COL4A1: variants seen among roughly 807,000 people sequenced by gnomAD.
COL4A1 encodes collagen alpha-1(IV) chain.
COL4A1 carries 40 observed loss-of-function variants against 216.6 expected under a neutral mutation model. The ratio of observed to expected loss-of-function variants is 0.18; its 90% CI spans 0.14 to 0.24. COL4A1 has a LOEUF of 0.24. COL4A1 is among the 10% of genes least tolerant of loss of function. The pLI, the probability that COL4A1 is intolerant of heterozygous loss-of-function variation, is 1.00. For missense variants in COL4A1, 1,628 were observed against 2,196.8 expected (o/e 0.74, Z 5.18); for synonymous variants, 839 against 810.7 (o/e 1.03, Z -0.59).
At chr13:110,289,235 C>T (rs1042697025) in intron 1 of COL4A1, among the ~76,000 whole-genome samples, 2 of 152,164 alleles carry the variant, frequency 1.3e-5, no homozygotes, top group African/African-American at 4.8e-5. Flanking sequence ...AATGGCCCCG[C>T]ACCTAAGCCT....
intron 17 of COL4A1, 101 bp from the exon 18 acceptor site, chr13:110,203,708 C>A (rs954910734): frequency 4.3e-5 from 54 of 1,253,936 alleles, no homozygotes; most frequent in Non-Finnish European, 6.1e-5. Flanking sequence ...AGTGTGCCTA[C>A]AGTAAATTAA....
intron 1 of COL4A1, among the ~76,000 whole-genome samples, chr13:110,300,219 C>A (rs1159478505): frequency 2.0e-5 from 3 of 152,146 alleles, no homozygotes; most frequent in African/African-American, 7.2e-5. Flanking sequence ...AAATACTGAC[C>A]TAGTACCTTC....
intron 19 of COL4A1, 33 bp downstream of exon 19, chr13:110,201,379 GAGGAGGAGGAGAGAAGGAGGGGGAGT>G (rs745997738): frequency 2.6e-6 from 3 of 1,164,986 alleles, no homozygotes; most frequent in Middle Eastern, 2.3e-4. Context: ...GGAGGAGGAA[GAGGAGGAGGAGAGAAGGAGGGGGAGT>G]AGGAGGAGGG....
At chr13:110,174,375 C>T in intron 39 of COL4A1, 71 bp downstream of exon 39, 8 of 1,557,216 alleles carry the variant, frequency 5.1e-6, no homozygotes, top group Non-Finnish European at 5.3e-6. Flanking sequence ...GATGGGAACT[C>T]CTTGGGGCCT....
At chr13:110,216,657 T>C (rs1470366901) in intron 2 of COL4A1, among the ~76,000 whole-genome samples, 2 of 152,196 alleles carry the variant, frequency 1.3e-5, no homozygotes, top group Non-Finnish European at 2.9e-5. Flanking sequence ...TCTACAAGTT[T>C]CTCACTGAGT....
At chr13:110,251,363 G>A (rs1882065075) in intron 1 of COL4A1, among the ~76,000 whole-genome samples, 1 of 152,246 alleles carries the variant, frequency 6.6e-6, no homozygotes, top group South Asian at 2.1e-4. Context: ...GAGTGGGTGG[G>A]GCAGGGGAAG....
At chr13:110,248,242 T>C (rs1354536450) in intron 1 of COL4A1, among the ~76,000 whole-genome samples, 1 of 152,190 alleles carries the variant, frequency 6.6e-6, no homozygotes, top group East Asian at 1.9e-4. Context: ...GGCAAGAGAC[T>C]GTATCTTAGG....
At position 110,192,948 on chromosome 13, in the gene COL4A1, C is replaced by T. The variant is rs74920333; in HGVS notation, c.1382-35G>A. On this transcript the variant is annotated intron_variant, in intron 22 of 51. Transcript: ENST00000375820. ...AAAACACAAAGGTGCTTACGTGTAACATGTGACCAGAAGTCTCCGCAGTGC... is the reference window on the plus strand; with the variant it reads ...AAAACACAAAGGTGCTTACGTGTAATATGTGACCAGAAGTCTCCGCAGTGC... 1.1e-5 allele frequency: 17 copies of T among 1,594,298 alleles called. No individual in the cohort carries two copies. The East Asian group carries it at 2.9e-4, about 27-fold the overall frequency.
At chr13:110,198,077 G>GTT (rs34142944) in intron 21 of COL4A1, among the ~76,000 whole-genome samples, 11 of 135,022 alleles carry the variant, frequency 8.1e-5, no homozygotes, top group African/African-American at 3.5e-4. Flanking sequence ...CTTGTTTCTG[G>GTT]GGTGTGTGTG....
chr13:110,261,036 CAAA>C (rs575253533), intron 1 of COL4A1, among the ~76,000 whole-genome samples: 3 of 83,452 alleles, frequency 3.6e-5, no homozygotes, highest in African/African-American at 4.9e-5. Context: ...GACTCCGTCT[CAAA>C]AAAAAAAAAA....
chr13:110,219,961 C>CAT (rs1451401582), intron 2 of COL4A1, among the ~76,000 whole-genome samples: 12 of 34,622 alleles, frequency 3.5e-4, no homozygotes, highest in Non-Finnish European at 6.3e-4. Context: ...CACATACATA[C>CAT]ATATACATAT....
intron 33 of COL4A1, 60 bp downstream of exon 33, chr13:110,177,782 T>G: frequency 6.4e-7 from 1 of 1,558,428 alleles, no homozygotes; most frequent in Non-Finnish European, 8.8e-7. Context: ...CTTGAGAATT[T>G]CCCAAGTGGC....
chr13:110,166,202 A>C, intron 45 of COL4A1, 30 bp downstream of exon 45: 1 of 1,332,774 alleles, frequency 7.5e-7, no homozygotes, highest in Non-Finnish European at 1.1e-6. Context: ...AGCACCAGTA[A>C]GGTGTCCACA....
At chr13:110,187,537 A>G (rs1320977285) in intron 24 of COL4A1, among the ~76,000 whole-genome samples, 1 of 152,202 alleles carries the variant, frequency 6.6e-6, no homozygotes, top group African/African-American at 2.4e-5. Flanking sequence ...TCTTAAAAAC[A>G]CTTATCTTAA....
intron 1 of COL4A1, among the ~76,000 whole-genome samples, chr13:110,298,272 A>G (rs919481362): frequency 3.3e-5 from 5 of 152,248 alleles, no homozygotes; most frequent in African/African-American, 1.2e-4. Flanking sequence ...ACAGGCTTTA[A>G]CAATTGATAA....
Position 110,178,947 on chromosome 13 carries a change from C to G in COL4A1, c.2434G>C (p.Gly812Arg). The change falls in exon 31 of 52, where the codon GGA becomes CGA. Residue 812 changes from glycine to arginine, a missense_variant. Physicochemically the swap from Gly to Arg is moderately radical, Grantham distance 125. Coordinates refer to ENST00000375820, the MANE Select transcript of COL4A1 (RefSeq NM_001845.6). ...CCTGACAACCCCGGTGGTCCCTGTC[C>G]TCCAGGGGGACCCCTAGCTCCAGGG... ...GPPGARGPPG[G>R]QGPPGLSGPP... 1 of 1,612,068 alleles carries G rather than the reference C, an allele frequency of 6.2e-7. No individual in the cohort carries two copies. Among genetic ancestry groups the G allele is most frequent in the Non-Finnish European group, 8.5e-7 (1 of 1,179,546 alleles).
chr13:110,162,010 T>C lies in COL4A1; in HGVS notation c.4462+220A>G, dbSNP rs1877107376. On this transcript the variant is annotated intron_variant, in intron 48 of 51. Transcript: ENST00000375820. ...TTCGAAGATTCAGTCTCCACATTTC[T>C]TGGCTTGCCATTAGTAATACAGCAG... is the stretch of plus-strand genomic sequence containing the variant. 3 of 624,096 alleles carry C rather than the reference T, an allele frequency of 4.8e-6. No individual in the cohort carries two copies. In the East Asian group the frequency reaches 7.9e-5, roughly 16 times the overall value. The allele number at this position is 624,096 out of a possible 1,614,324, so 38.7% of individuals were successfully genotyped here.
At chr13:110,233,480 A>G (rs2139234821) in intron 2 of COL4A1, among the ~76,000 whole-genome samples, 1 of 152,302 alleles carries the variant, frequency 6.6e-6, no homozygotes. Flanking sequence ...TTAGATGGCA[A>G]AAACGAAGTG....
At chr13:110,171,346 A>G (rs1877634197) in intron 41 of COL4A1, among the ~76,000 whole-genome samples, 1 of 152,096 alleles carries the variant, frequency 6.6e-6, no homozygotes, top group South Asian at 2.1e-4. Context: ...GAAGCCACGG[A>G]GGAGACTTTT....
Sources: allele counts gnomAD v4.1 joint callset (sites outside exome capture counted in the v4.1 genomes callset), GRCh38; gene constraint gnomAD v4.1.1; transcripts MANE v1.5; gene names NCBI Gene and HGNC (gene_info 2026-07-23, HGNC 2026-07-21).